ATP10A: variants seen among roughly 807,000 people sequenced by gnomAD.
ATP10A encodes the protein phospholipid-transporting ATPase VA.
ATP10A carries 111 observed loss-of-function variants against 147.8 expected under a neutral mutation model. The observed-to-expected ratio is 0.75, with a 90% CI of 0.64 to 0.88. The LOEUF is 0.88. Ranked by LOEUF, ATP10A falls within the 40% of genes least tolerant of loss-of-function variation. The pLI, the probability that ATP10A is intolerant of heterozygous loss-of-function variation, is 0.00. For synonymous variants in ATP10A, 875 were observed against 841.6 expected (o/e 1.04, Z -0.69); for missense variants, 1,927 against 1,959.0 (o/e 0.98, Z 0.31).
chr15:25,821,455 T>C (rs1376256902), intron 1 of ATP10A, among the ~76,000 whole-genome samples: 1 of 151,602 alleles, frequency 6.6e-6, no homozygotes, highest in Non-Finnish European at 1.5e-5. Flanking sequence ...GAAACAACAT[T>C]GAATAGATAA....
chr15:25,768,152 C>T (rs41490246), intron 2 of ATP10A, among the ~76,000 whole-genome samples: 7,888 of 152,206 alleles, frequency 0.052, 256 homozygotes, highest in East Asian at 0.099. Context: ...GCCGGCATGA[C>T]GAGGAAACCG....
chr15:25,753,944 T>C (rs542100875), intron 2 of ATP10A, among the ~76,000 whole-genome samples: 5 of 152,016 alleles, frequency 3.3e-5, no homozygotes, highest in Non-Finnish European at 5.9e-5. Flanking sequence ...ACTTAGCTAA[T>C]TTTTTGTTCT....
intron 1 of ATP10A, among the ~76,000 whole-genome samples, chr15:25,800,451 T>C (rs1890884362): frequency 6.6e-6 from 1 of 152,076 alleles, no homozygotes; most frequent in Non-Finnish European, 1.5e-5. Context: ...CAAGTGCCTC[T>C]CCTCTCCTGC....
chr15:25,751,406 A>G (rs1888150502), intron 2 of ATP10A, among the ~76,000 whole-genome samples: 1 of 152,154 alleles, frequency 6.6e-6, no homozygotes, highest in Non-Finnish European at 1.5e-5. Flanking sequence ...AACATCATCA[A>G]CCAGTGTTAC....
intron 1 of ATP10A, among the ~76,000 whole-genome samples, chr15:25,814,990 T>C (rs773961867): frequency 2.0e-5 from 3 of 152,146 alleles, no homozygotes; most frequent in Non-Finnish European, 4.4e-5. Flanking sequence ...GAAGAATGTA[T>C]ACACAGGAAG....
chr15:25,748,867 C>T (rs1382307450), intron 2 of ATP10A, among the ~76,000 whole-genome samples: 2 of 149,826 alleles, frequency 1.3e-5, no homozygotes, highest in Non-Finnish European at 3.0e-5. Flanking sequence ...ACAGCCTGGC[C>T]AACATGGTGA....
At chr15:25,707,928 C>G in intron 12 of ATP10A, 48 bp downstream of exon 12, 1 of 1,601,172 alleles carries the variant, frequency 6.2e-7, no homozygotes. Flanking sequence ...AGGGCCGTCC[C>G]TGCAAACTCC....
chr15:25,774,734 T>A (rs1157739714), intron 2 of ATP10A, among the ~76,000 whole-genome samples: 1 of 152,040 alleles, frequency 6.6e-6, no homozygotes, highest in Non-Finnish European at 1.5e-5. Context: ...TGCCATGAAA[T>A]AAACACAGTT....
chr15:25,719,717 G>A (rs1053556248), intron 7 of ATP10A, among the ~76,000 whole-genome samples: 1 of 152,034 alleles, frequency 6.6e-6, no homozygotes. Flanking sequence ...TGCCTTCCAT[G>A]TCCCCAGGAA....
intron 5 of ATP10A, among the ~76,000 whole-genome samples, chr15:25,724,429 G>A (rs550856233): frequency 2.0e-5 from 3 of 152,324 alleles, no homozygotes; most frequent in Admixed American, 2.0e-4. Context: ...GTCCTTTCCT[G>A]AGATTCACAA....
chr15:25,782,591 C>T (rs61991471), intron 1 of ATP10A, among the ~76,000 whole-genome samples: 14,544 of 152,186 alleles, frequency 0.096, 969 homozygotes, highest in Admixed American at 0.2. Context: ...CCTTACCTCC[C>T]AGGGACACAT....
chr15:25,864,485 G>C (rs1217718407), upstream of ATP10A, among the ~76,000 whole-genome samples: 3 of 152,262 alleles, frequency 2.0e-5, no homozygotes, highest in East Asian at 5.8e-4. Flanking sequence ...CCCTGGCTTG[G>C]GGAGGCCCTC....
At chr15:25,746,731 G>T (rs1283336873) in intron 2 of ATP10A, among the ~76,000 whole-genome samples, 1 of 152,128 alleles carries the variant, frequency 6.6e-6, no homozygotes, top group East Asian at 1.9e-4. Flanking sequence ...ATTAGTCAAA[G>T]AAAAGAAGTC....
At chr15:25,849,521 C>T (rs1349792435) in intron 1 of ATP10A, among the ~76,000 whole-genome samples, 1 of 152,148 alleles carries the variant, frequency 6.6e-6, no homozygotes, top group African/African-American at 2.4e-5. Flanking sequence ...GTCCCAAGGG[C>T]GCATTATGAA....
rs2076745 is a variant in ATP10A at position 25,681,005 on chromosome 15, T to C, written c.3562A>G (p.Ile1188Val). ...AGGGGCCAACTTACCAGGTAAGGAA[T>C]GGAAAAGCAAACCAGGCTCTGGAAG... ...AAFQSLVCFS[I>V]PYLAYYDSNV... The change falls in exon 18 of 21, where the codon ATT becomes GTT. Residue 1188 changes from isoleucine (I) to valine (V), a missense_variant. Transcript: ENST00000555815. 5.1e-3 allele frequency: 8,197 copies of C among 1,614,058 alleles called. 28 individuals are homozygous for C. Among genetic ancestry groups the C allele is most frequent in the Non-Finnish European group, 6.0e-3 (7,047 of 1,179,996 alleles).
At chr15:25,818,706 A>C (rs1891764071) in intron 1 of ATP10A, among the ~76,000 whole-genome samples, 1 of 152,232 alleles carries the variant, frequency 6.6e-6, no homozygotes, top group Non-Finnish European at 1.5e-5. Context: ...TTCAAATTAT[A>C]TGTGAAGCCT....
chr15:25,730,905 G>A (rs1411824333), intron 3 of ATP10A, among the ~76,000 whole-genome samples: 1 of 152,278 alleles, frequency 6.6e-6, no homozygotes, highest in Non-Finnish European at 1.5e-5. Flanking sequence ...TCAACTAAAG[G>A]TGGCAAGGCG....
chr15:25,784,447 T>C (rs554321004), intron 1 of ATP10A, among the ~76,000 whole-genome samples: 86 of 152,344 alleles, frequency 5.6e-4, no homozygotes, highest in African/African-American at 1.9e-3. Context: ...GCCTGCCCCA[T>C]CCAGGAGGCT....
chr15:25,762,132 C>A lies in ATP10A; in HGVS notation c.654+18887G>T, dbSNP rs140666499. On this transcript the variant is annotated intron_variant, in intron 2 of 20. Transcript: ENST00000555815. The stretch of plus-strand genomic sequence containing the variant: ...GATGGTCTTATAAGGGCCTTTTCCC[C>A]CTTTTGCTCGGCACTTCTCCTTCCT... Among the ~76,000 whole-genome samples, 3 of 152,234 alleles carry A rather than the reference C, an allele frequency of 2.0e-5. No homozygotes were observed. The East Asian group carries it at 5.8e-4, about 29-fold the overall frequency.
Sources: gnomAD v4.1 joint callset for allele counts (sites outside exome capture counted in the v4.1 genomes callset) on GRCh38, gnomAD v4.1.1 for gene constraint, MANE v1.5 for transcripts, NCBI Gene and HGNC (gene_info 2026-07-23, HGNC 2026-07-21) for gene names.